NFAT5: variants seen among roughly 807,000 people sequenced by gnomAD.
NFAT5 encodes nuclear factor of activated T cells 5, also known as nuclear factor of activated T-cells 5.
Under a neutral mutation model 166.5 loss-of-function variants are expected in NFAT5, and 31 were observed. The observed-to-expected ratio is 0.19, with a 90% CI of 0.14 to 0.25. The LOEUF is 0.25. Ranked by LOEUF, NFAT5 falls within the 10% of genes least tolerant of loss-of-function variation. The pLI, the probability that NFAT5 is intolerant of heterozygous loss-of-function variation, is 1.00. For missense variants in NFAT5, 1,449 were observed against 1,821.8 expected (o/e 0.80, Z 3.72); for synonymous variants, 612 against 639.7 (o/e 0.96, Z 0.65).
intron 2 of NFAT5, among the ~76,000 whole-genome samples, chr16:69,607,687 AG>A (rs2033488568): frequency 6.6e-6 from 1 of 152,230 alleles, no homozygotes; most frequent in African/African-American, 2.4e-5. Context: ...TCTCTTCTAG[AG>A]CACATTTGAA....
intron 11 of NFAT5, chr16:69,685,220 G>A (rs1394382417): frequency 6.7e-6 from 1 of 149,828 alleles, no homozygotes; most frequent in African/African-American, 2.5e-5. Context: ...TGGAGTGGAG[G>A]AGTTTTGTTT....
intron 11 of NFAT5, among the ~76,000 whole-genome samples, chr16:69,687,298 G>T (rs1328154731): frequency 6.6e-6 from 1 of 152,006 alleles, no homozygotes; most frequent in Non-Finnish European, 1.5e-5. Context: ...AAAATTAGCT[G>T]GGCGTGGTGG....
chr16:69,608,991 G>A (rs893958686), intron 2 of NFAT5, among the ~76,000 whole-genome samples: 1 of 151,454 alleles, frequency 6.6e-6, no homozygotes, highest in Non-Finnish European at 1.5e-5. Flanking sequence ...CGTGGTGGCA[G>A]GCATCTGTAG....
At chr16:69,568,665 A>G (rs2016257987) in intron 2 of NFAT5, 117 bp downstream of exon 2, 7 of 709,572 alleles carry the variant, frequency 9.9e-6, no homozygotes, top group Admixed American at 3.2e-5. Flanking sequence ...GTTTTCTCCT[A>G]AAGAGTCTGA....
At chr16:69,604,341 A>G (rs1281662096) in intron 2 of NFAT5, among the ~76,000 whole-genome samples, 1 of 152,202 alleles carries the variant, frequency 6.6e-6, no homozygotes. Flanking sequence ...TTCTTTTATA[A>G]TGGGCAGAGT....
chr16:69,637,824 A>T (rs2035031849), intron 3 of NFAT5, among the ~76,000 whole-genome samples: 1 of 152,230 alleles, frequency 6.6e-6, no homozygotes, highest in Non-Finnish European at 1.5e-5. Flanking sequence ...CATAGGAAAG[A>T]CCGACAGTTT....
rs1307023752 is a variant in NFAT5 at position 69,693,108 on chromosome 16, C to G, written c.3283C>G (p.Pro1095Ala). 3 of 1,614,108 alleles carry G rather than the reference C, an allele frequency of 1.9e-6. No individual in the cohort carries two copies. The highest frequency in any genetic ancestry group is 2.5e-6 in the Non-Finnish European group (3 of 1,180,032). The change falls in exon 13 of 15, where the codon CCT (proline) becomes GCT (alanine). Residue 1095 changes from proline (P) to alanine (A), a missense_variant. Transcript: ENST00000349945. ...GGCCCAACTTTTTCATCCTCAAAAT[C>G]CTATTGCCGATGCTCAGAACCTTTC... ...SQAQLFHPQN[P>A]IADAQNLSQE...
chr16:69,628,704 T>C (rs186615237), intron 3 of NFAT5, among the ~76,000 whole-genome samples: 1 of 152,366 alleles, frequency 6.6e-6, no homozygotes, highest in Non-Finnish European at 1.5e-5. Flanking sequence ...TCAATGTTTT[T>C]CTAGCCAGAA....
chr16:69,646,927 G>A (rs1231509829), intron 3 of NFAT5, 101 bp from the exon 4 acceptor site: 1 of 986,592 alleles, frequency 1.0e-6, no homozygotes, highest in Non-Finnish European at 1.4e-6. Context: ...ATTCATTTTG[G>A]GGAAAAACAA....
At chr16:69,601,247 G>T (rs2033116991) in intron 2 of NFAT5, among the ~76,000 whole-genome samples, 1 of 151,896 alleles carries the variant, frequency 6.6e-6, no homozygotes, top group Non-Finnish European at 1.5e-5. Flanking sequence ...CTCTATATAT[G>T]TATACATATC....
At chr16:69,596,764 T>TC (rs951600531) in intron 2 of NFAT5, among the ~76,000 whole-genome samples, 4 of 152,038 alleles carry the variant, frequency 2.6e-5, no homozygotes, top group Non-Finnish European at 5.9e-5. Flanking sequence ...CCATTTTTTT[T>TC]CTCTAACTGC....
At chr16:69,629,470 C>T (rs1597432366) in intron 3 of NFAT5, among the ~76,000 whole-genome samples, 1 of 152,206 alleles carries the variant, frequency 6.6e-6, no homozygotes, top group East Asian at 1.9e-4. Flanking sequence ...TACTTTTATG[C>T]ACTCCCATCA....
At chr16:69,668,776 T>A (rs1264508452) in intron 7 of NFAT5, among the ~76,000 whole-genome samples, 1 of 152,124 alleles carries the variant, frequency 6.6e-6, no homozygotes, top group Non-Finnish European at 1.5e-5. Context: ...CCTCCCAGGT[T>A]CAAGAGATTC....
intron 10 of NFAT5, among the ~76,000 whole-genome samples, chr16:69,677,723 G>C: frequency 6.6e-6 from 1 of 152,170 alleles, no homozygotes; most frequent in East Asian, 1.9e-4. Flanking sequence ...CATTTTGAGA[G>C]AGAGAAGAGA....
chr16:69,664,885 G>C (rs2036300387), intron 7 of NFAT5, among the ~76,000 whole-genome samples: 1 of 151,978 alleles, frequency 6.6e-6, no homozygotes, highest in South Asian at 2.1e-4. Context: ...AAGTTAGCCG[G>C]GCTTGGTGGT....
intron 2 of NFAT5, among the ~76,000 whole-genome samples, chr16:69,586,079 A>C (rs1278336537): frequency 6.6e-6 from 1 of 152,208 alleles, no homozygotes; most frequent in African/African-American, 2.4e-5. Flanking sequence ...AAGATGCACT[A>C]CTTTTTTTTG....
At chr16:69,652,605 C>T (rs1405960863) in intron 4 of NFAT5, among the ~76,000 whole-genome samples, 1 of 152,062 alleles carries the variant, frequency 6.6e-6, no homozygotes, top group Non-Finnish European at 1.5e-5. Flanking sequence ...AAGCTAATTT[C>T]CCAATAAAAA....
chr16:69,655,005 T>C (rs2035821163), intron 5 of NFAT5, among the ~76,000 whole-genome samples: 1 of 152,232 alleles, frequency 6.6e-6, no homozygotes, highest in Non-Finnish European at 1.5e-5. Context: ...TATAATTTAA[T>C]TTATGAAGGC....
chr16:69,595,192 C>T (rs936850425), intron 2 of NFAT5, among the ~76,000 whole-genome samples: 2 of 152,104 alleles, frequency 1.3e-5, no homozygotes, highest in African/African-American at 2.4e-5. Flanking sequence ...ATAAATAGAA[C>T]AATACAGCAA....
Sources: allele counts gnomAD v4.1 joint callset (sites outside exome capture counted in the v4.1 genomes callset), GRCh38; gene constraint gnomAD v4.1.1; transcripts MANE v1.5; gene names NCBI Gene and HGNC (gene_info 2026-07-23, HGNC 2026-07-21).